The following ANKS1B variants were observed in gnomAD, a reference collection of about 807,000 sequenced individuals.
The protein encoded by ANKS1B is ankyrin repeat and sterile alpha motif domain containing 1B.
Under a neutral mutation model 148.3 loss-of-function variants are expected in ANKS1B, and 36 were observed. That is an observed-to-expected ratio of 0.24 (90% CI 0.19 to 0.32). The LOEUF (loss-of-function observed/expected upper bound fraction) is 0.32, where lower values mean the gene tolerates loss of function less well. ANKS1B is among the 10% of genes least tolerant of loss of function. The pLI is 1.00. For missense variants in ANKS1B, 1,157 were observed against 1,542.6 expected, an observed-to-expected ratio of 0.75 and a Z score of 4.19; for synonymous variants, 542 against 560.8, an observed-to-expected ratio of 0.97 and a Z score of 0.47.
intron 1 of ANKS1B, among the ~76,000 whole-genome samples, chr12:99,883,172 A>C (rs2092624874): frequency 6.6e-6 from 1 of 152,182 alleles, no homozygotes; most frequent in African/African-American, 2.4e-5. Flanking sequence ...AAGAGCAAAA[A>C]ACAGAGCATT....
At chr12:98,895,239 T>A in intron 17 of ANKS1B, 1 of 985,528 alleles carries the variant, frequency 1.0e-6, no homozygotes, top group South Asian at 4.7e-5. Context: ...GGCCTCCTCC[T>A]GGCTCCCAGG....
At chr12:99,564,190 A>G (rs1597171390) in intron 9 of ANKS1B, among the ~76,000 whole-genome samples, 1 of 152,238 alleles carries the variant, frequency 6.6e-6, no homozygotes, top group East Asian at 1.9e-4. Context: ...GCTCACAGAA[A>G]TTTGCCAAAA....
chr12:99,726,666 C>G (rs536983936), intron 8 of ANKS1B, among the ~76,000 whole-genome samples: 1 of 152,256 alleles, frequency 6.6e-6, no homozygotes, highest in South Asian at 2.1e-4. Flanking sequence ...GATACCAAAA[C>G]TGGGCAGAGA....
intron 12 of ANKS1B, among the ~76,000 whole-genome samples, chr12:99,281,410 G>T (rs967753034): frequency 8.5e-5 from 13 of 152,206 alleles, no homozygotes; most frequent in Non-Finnish European, 8.8e-5. Context: ...TCTGAGTCAT[G>T]AACTGATAGT....
chr12:99,980,644 G>A (rs2095687583), intron 1 of ANKS1B, among the ~76,000 whole-genome samples: 1 of 152,018 alleles, frequency 6.6e-6, no homozygotes, highest in African/African-American at 2.4e-5. Context: ...AGGAAAGAGA[G>A]AGTAGAGAAA....
chr12:99,284,896 T>C (rs1217456418), intron 12 of ANKS1B, among the ~76,000 whole-genome samples: 2 of 152,204 alleles, frequency 1.3e-5, no homozygotes, highest in Non-Finnish European at 2.9e-5. Context: ...TTTACATGTA[T>C]GGTGCTTGTG....
chr12:99,736,764 T>C (rs1001547645), intron 8 of ANKS1B, among the ~76,000 whole-genome samples: 2 of 152,082 alleles, frequency 1.3e-5, no homozygotes, highest in East Asian at 1.9e-4. Context: ...AGACAACCTA[T>C]TGAATGAAAG....
intron 17 of ANKS1B, among the ~76,000 whole-genome samples, chr12:99,016,476 C>T (rs1264338913): frequency 2.0e-5 from 3 of 152,050 alleles, no homozygotes; most frequent in Non-Finnish European, 2.9e-5. Context: ...GCCAGCATGG[C>T]GAAACCCTGC....
At chr12:99,240,114 C>T (rs2088961398) in intron 14 of ANKS1B, among the ~76,000 whole-genome samples, 1 of 152,076 alleles carries the variant, frequency 6.6e-6, no homozygotes, top group South Asian at 2.1e-4. Flanking sequence ...AAGACACAGA[C>T]TGGAAAATTG....
At chr12:99,392,837 C>G (rs1476726852) in intron 12 of ANKS1B, among the ~76,000 whole-genome samples, 1 of 151,988 alleles carries the variant, frequency 6.6e-6, no homozygotes, top group Non-Finnish European at 1.5e-5. Context: ...TCCTCCCACC[C>G]TACCCTCCCT....
chr12:99,973,259 T>C (rs1173250831), intron 1 of ANKS1B, among the ~76,000 whole-genome samples: 1 of 152,244 alleles, frequency 6.6e-6, no homozygotes, highest in Admixed American at 6.5e-5. Context: ...ATAGCTGCCA[T>C]ACCTAGTGGT....
chr12:99,640,492 G>A (rs567429576), intron 9 of ANKS1B, among the ~76,000 whole-genome samples: 33 of 152,302 alleles, frequency 2.2e-4, no homozygotes, highest in African/African-American at 7.7e-4. Context: ...TGTTTGCTAT[G>A]AAAGGATGAG....
intron 17 of ANKS1B, among the ~76,000 whole-genome samples, chr12:99,016,391 C>A (rs1259586222): frequency 6.6e-6 from 1 of 152,212 alleles, no homozygotes; most frequent in Non-Finnish European, 1.5e-5. Context: ...TGCAGTGGCT[C>A]ATGCCTGTAA....
intron 17 of ANKS1B, among the ~76,000 whole-genome samples, chr12:98,860,188 C>T (rs889033095): frequency 6.6e-6 from 1 of 152,250 alleles, no homozygotes. Flanking sequence ...TCCTGATACA[C>T]ATCCTTTCAC....
intron 17 of ANKS1B, among the ~76,000 whole-genome samples, chr12:98,931,903 A>G (rs1020489009): frequency 6.6e-6 from 1 of 152,146 alleles, no homozygotes; most frequent in South Asian, 2.1e-4. Context: ...ATACTTACTC[A>G]GAGCCTTCTC....
At position 98,793,443 on chromosome 12, in the gene ANKS1B, A is replaced by G. The variant is rs12321354; in HGVS notation, c.3342+5491T>C. Among the ~76,000 whole-genome samples, 1,072 of 152,294 alleles carry G rather than the reference A, an allele frequency of 7.0e-3. 16 individuals carry two copies. The highest frequency in any genetic ancestry group is 0.024 in the African/African-American group (1,016 of 41,570). ...ATTGGACTGGGAAAGAATTTTTTGGATATGACTCCAAAAGCACAGGCAACA... is the reference window on the plus strand; with the variant it reads ...ATTGGACTGGGAAAGAATTTTTTGGGTATGACTCCAAAAGCACAGGCAACA... On this transcript the variant is annotated intron_variant, in intron 22 of 26. Transcript: ENST00000683438.
intron 1 of ANKS1B, among the ~76,000 whole-genome samples, chr12:99,870,507 C>A (rs1468608238): frequency 6.6e-6 from 1 of 151,834 alleles, no homozygotes; most frequent in South Asian, 2.1e-4. Context: ...GAGAAATATC[C>A]CACCTCCACA....
chr12:99,848,299 G>A (rs1036765847), intron 1 of ANKS1B, among the ~76,000 whole-genome samples: 5 of 152,140 alleles, frequency 3.3e-5, no homozygotes, highest in Non-Finnish European at 7.3e-5. Flanking sequence ...GGAAGAATGG[G>A]GGCCAGGGAC....
At chr12:99,497,774 C>A (rs1446845574) in intron 10 of ANKS1B, among the ~76,000 whole-genome samples, 2 of 151,734 alleles carry the variant, frequency 1.3e-5, no homozygotes, top group Non-Finnish European at 2.9e-5. Flanking sequence ...ATGGGGGGGA[C>A]ACAATTCAAT....
Sources: allele counts gnomAD v4.1 joint callset (sites outside exome capture counted in the v4.1 genomes callset), GRCh38; gene constraint gnomAD v4.1.1; transcripts MANE v1.5; gene names NCBI Gene and HGNC (gene_info 2026-07-23, HGNC 2026-07-21).